HSPA13: variants seen among roughly 807,000 people sequenced by gnomAD.
The protein encoded by HSPA13 is heat shock 70 kDa protein 13.
HSPA13 carries 29 observed loss-of-function variants against 38.8 expected under a neutral mutation model. The ratio of observed to expected loss-of-function variants is 0.75; its 90% CI spans 0.56 to 1.02. The LOEUF is 1.02. HSPA13 is among the 50% of genes least tolerant of loss of function. The probability of loss-of-function intolerance (pLI) is 0.00; values close to 1 mark genes in which losing one functional copy is unlikely to be tolerated. For missense variants in HSPA13, 451 were observed against 560.9 expected, an observed-to-expected ratio of 0.80 and a Z score of 1.98; for synonymous variants, 192 against 205.3, an observed-to-expected ratio of 0.94 and a Z score of 0.56.
chr21:14,378,143 GT>G (rs1208251929), intron 3 of HSPA13, 55 bp downstream of exon 3: 9 of 1,380,222 alleles, frequency 6.5e-6, no homozygotes, highest in Non-Finnish European at 9.3e-6. Context: ...ACTACAGAAG[GT>G]TTTCAACCCA....
chr21:14,374,192 T>C lies in HSPA13; in HGVS notation c.841A>G (p.Arg281Gly). 6.2e-7 allele frequency: 1 copy of C among 1,613,522 alleles called. No individual in the cohort carries two copies. The highest frequency in any genetic ancestry group is 8.5e-7 in the Non-Finnish European group (1 of 1,179,896). ...CTCAATCTGTGGATTTCCTCTTTCCTAGAGGGCACGAAGCCATATGTTTGA... is the reference window on the plus strand; with the variant it reads ...CTCAATCTGTGGATTTCCTCTTTCCCAGAGGGCACGAAGCCATATGTTTGA... ...IYQTYGFVPS[R>G]KEEIHRLRQA... Residue 281 changes from arginine to glycine, a missense_variant, in exon 5 of 5, where the codon AGG becomes GGG. Transcript: ENST00000285667.
Position 14,381,398 on chromosome 21 carries a change from C to T in HSPA13, c.171G>A (p.Val57=). The T allele has an allele frequency of 6.2e-7, 1 of 1,614,108 alleles. No homozygotes were observed. The highest frequency in any genetic ancestry group is 8.5e-7 in the Non-Finnish European group (1 of 1,180,016). Reference sequence around the variant, plus strand: ...TGATATGCCCATTTTCATCTGGAATCACCTTTACTTTTCCTGTGCCAGGAA... The same window carrying T: ...TGATATGCCCATTTTCATCTGGAATTACCTTTACTTTTCCTGTGCCAGGAA... ...VFFPGTGKVK[V]IPDENGHISI... is the part of the protein sequence containing the mutation. Residue 57 remains valine (V), a synonymous_variant, in exon 2 of 5, where the codon GTG becomes GTA. Coordinates refer to ENST00000285667, the MANE Select transcript of HSPA13 (RefSeq NM_006948.5).
At chr21:14,381,121 T>C (rs998330002) in intron 2 of HSPA13, 82 bp downstream of exon 2, 6 of 1,034,030 alleles carry the variant, frequency 5.8e-6, no homozygotes, top group South Asian at 3.2e-5. Context: ...CTAGACGAGA[T>C]AGAATGTTTT....
Position 14,383,098 on chromosome 21 carries a change from AG to A in HSPA13, c.21del (p.Leu8Ter). On this transcript the variant is annotated frameshift_variant, in exon 1 of 5. Coordinates refer to ENST00000285667, the MANE Select transcript of HSPA13 (RefSeq NM_006948.5). LOFTEE classifies it high-confidence loss of function. MAREMT[I>X]LGSAVLTLLL... ...ACAAGGACCCCCGGGAACCCACCTA[AG>A]ATCGTCATCTCTCTGGCCATCACAG... The A allele has an allele frequency of 6.2e-7, 1 of 1,614,032 alleles. No individual in the cohort carries two copies. The highest frequency in any genetic ancestry group is 8.5e-7 in the Non-Finnish European group (1 of 1,179,982).
rs919383322 is a variant in HSPA13, at chr21:14,371,323, T to G, written c.*2294A>C. Reference sequence around the variant, plus strand: ...ACAAAATAAGTTACTCATTCACATATTCTAATCATACAAGACACTTAATAT... The same window carrying G: ...ACAAAATAAGTTACTCATTCACATAGTCTAATCATACAAGACACTTAATAT... On this transcript the variant is annotated 3_prime_UTR_variant, in exon 5 of 5. Coordinates refer to ENST00000285667, the MANE Select transcript of HSPA13 (RefSeq NM_006948.5). 1 of 152,634 alleles carries G rather than the reference T, an allele frequency of 6.6e-6. No homozygotes were observed. Among genetic ancestry groups the G allele is most frequent in the Non-Finnish European group, 1.5e-5 (1 of 68,004 alleles). 9.5% of individuals were successfully genotyped at this position (152,634 alleles called of 1,614,324 possible).
Position 14,373,793 on chromosome 21 carries a change from T to G in HSPA13, c.1240A>C (p.Ile414Leu). The change falls in exon 5 of 5, where the codon ATC (isoleucine) becomes CTC (leucine). Residue 414 changes from isoleucine to leucine, a missense_variant. Ile to Leu is a conservative substitution (Grantham distance 5, BLOSUM62 2). Coordinates refer to ENST00000285667, the MANE Select transcript of HSPA13 (RefSeq NM_006948.5). ...LVGGSTRIPR[I>L]RQVIQEFFGK... ...AAGAACTCTTGAATGACTTGACGGA[T>G]CCGAGGAATACGAGTGGAGCCCCCA... The G allele has an allele frequency of 6.2e-7, 1 of 1,614,190 alleles. No homozygotes were observed. The highest frequency in any genetic ancestry group is 8.5e-7 in the Non-Finnish European group (1 of 1,180,022).
rs778449900 is a variant in HSPA13, at chr21:14,374,072, G to T, written c.961C>A (p.Pro321Thr). The T allele has an allele frequency of 1.2e-6, 2 of 1,614,138 alleles. No homozygotes were observed. Among genetic ancestry groups the T allele is most frequent in the South Asian group, 2.2e-5 (2 of 91,086 alleles). ...LTVEEQDRKE[P>T]HSSDTELPKD... is the part of the protein sequence containing the mutation. ...GGCAGTTCAGTGTCACTACTGTGAGGTTCCTTCCTGTCCTGCTCCTCCACC... is the reference window on the plus strand; with the variant it reads ...GGCAGTTCAGTGTCACTACTGTGAGTTTCCTTCCTGTCCTGCTCCTCCACC... Residue 321 changes from proline to threonine, a missense_variant, in exon 5 of 5, where the codon CCT becomes ACT. Pro to Thr is a conservative substitution (Grantham distance 38, BLOSUM62 -1). Coordinates refer to ENST00000285667, the MANE Select transcript of HSPA13 (RefSeq NM_006948.5).
rs1404611787 is a variant in HSPA13 at position 14,373,819 on chromosome 21, A to G, written c.1214T>C (p.Val405Ala). 5.6e-6 allele frequency: 9 copies of G among 1,614,088 alleles called. No individual in the cohort carries two copies. The highest frequency in any genetic ancestry group is 4.5e-5 in the East Asian group (2 of 44,904). The change falls in exon 5 of 5, where the codon GTT becomes GCT. Residue 405 changes from valine (V) to alanine (A), a missense_variant. Physicochemically the swap from Val to Ala is moderately conservative, Grantham distance 64 (BLOSUM62 0). Transcript: ENST00000285667. ...EKTEIDEVVLVGGSTRIPRIR... is the reference protein window; with the variant it reads ...EKTEIDEVVLAGGSTRIPRIR... ...CCGAGGAATACGAGTGGAGCCCCCA[A>G]CTAAAACCACCTCATCAATCTCAGT...
chr21:14,381,134 G>C (rs1275551949), intron 2 of HSPA13, 69 bp downstream of exon 2: 1 of 1,164,502 alleles, frequency 8.6e-7, no homozygotes, highest in South Asian at 1.5e-5. Context: ...AATGTTTTGT[G>C]ACATGAAGCC....
At chr21:14,381,933 T>C (rs1319607035) in intron 1 of HSPA13, among the ~76,000 whole-genome samples, 1 of 152,240 alleles carries the variant, frequency 6.6e-6, no homozygotes, top group Non-Finnish European at 1.5e-5. Context: ...TTTACAGCTT[T>C]ATAAAAAGCT....
Position 14,375,793 on chromosome 21 carries a change from C to A in HSPA13, c.607G>T (p.Glu203Ter). Residue 203 changes from glutamate to a stop codon, truncating the protein, a stop_gained, in exon 4 of 5, where the codon GAA becomes TAA. Transcript: ENST00000285667. LOFTEE classifies it high-confidence loss of function. ...TAGGCCATAGCTGCTGCTGTGGGTT[C>A]ATTTATTACCCTCAAAATCTTCAGT... is the stretch of plus-strand genomic sequence containing the variant. ...AGLKILRVIN[E>*]PTAAAMAYGL... 6.2e-7 allele frequency: 1 copy of A among 1,613,776 alleles called. No homozygotes were observed.
chr21:14,380,467 A>T (rs1470027333), intron 2 of HSPA13, among the ~76,000 whole-genome samples: 2 of 152,082 alleles, frequency 1.3e-5, no homozygotes, highest in Non-Finnish European at 2.9e-5. Context: ...AAAAATTAAT[A>T]CAGGATACTA....
chr21:14,376,240 C>G (rs1024997270), intron 3 of HSPA13, among the ~76,000 whole-genome samples: 1 of 151,994 alleles, frequency 6.6e-6, no homozygotes, highest in Non-Finnish European at 1.5e-5. Context: ...GGTGAAACCC[C>G]GTCTCTACTA....
intron 2 of HSPA13, among the ~76,000 whole-genome samples, chr21:14,380,950 G>A (rs1351208161): frequency 6.6e-6 from 1 of 152,126 alleles, no homozygotes; most frequent in South Asian, 2.1e-4. Context: ...CTGCTACCTT[G>A]AAAGAGCTAA....
chr21:14,379,116 T>G (rs1002665126), intron 2 of HSPA13, among the ~76,000 whole-genome samples: 1 of 152,190 alleles, frequency 6.6e-6, no homozygotes, highest in Non-Finnish European at 1.5e-5. Context: ...GAGTAATGGA[T>G]AGCTGAAAGA....
In HSPA13 at chr21:14,372,069, T is replaced by A. The variant is rs981684726; in HGVS notation, c.*1548A>T. On this transcript the variant is annotated 3_prime_UTR_variant, in exon 5 of 5. Coordinates refer to ENST00000285667, the MANE Select transcript of HSPA13 (RefSeq NM_006948.5). Reference sequence around the variant, plus strand: ...ACAGCAATTTCATTGCTAAGAATTTTTTTTTAGATATGAAAAATATTAGTA... The same window carrying A: ...ACAGCAATTTCATTGCTAAGAATTTATTTTTAGATATGAAAAATATTAGTA... 3 of 152,236 alleles carry A rather than the reference T, an allele frequency of 2.0e-5. No individual in the cohort carries two copies. The highest frequency in any genetic ancestry group is 7.2e-5 in the African/African-American group (3 of 41,464). 9.4% of individuals were successfully genotyped at this position (152,236 alleles called of 1,614,324 possible).
Position 14,381,506 on chromosome 21 carries a change from C to T in HSPA13, c.63G>A (p.Leu21=). ...AVLTLLLAGY[L]AQQYLPLPTP... is the part of the protein sequence containing the mutation. Reference sequence around the variant, plus strand: ...TAGGCAATGGTAAATACTGTTGTGCCAAATAGCCGGCCAACAGGAGAGTCA... The same window carrying T: ...TAGGCAATGGTAAATACTGTTGTGCTAAATAGCCGGCCAACAGGAGAGTCA... The change falls in exon 2 of 5, where the codon TTG becomes TTA. Residue 21 remains leucine, a synonymous_variant. Coordinates refer to ENST00000285667, the MANE Select transcript of HSPA13 (RefSeq NM_006948.5). 1 of 1,602,426 alleles carries T rather than the reference C, an allele frequency of 6.2e-7. No homozygotes were observed. Among genetic ancestry groups the T allele is most frequent in the South Asian group, 1.1e-5 (1 of 90,448 alleles).
rs1048351213 is a variant in HSPA13, at chr21:14,374,024, C to A, written c.1009G>T (p.Asp337Tyr). ...AACCCACTGTTCACGCGATGGTCAT[C>A]TGCTGAGGAAAGTTTGTCTTTTGGC... is the stretch of plus-strand genomic sequence containing the variant. ...ELPKDKLSSA[D>Y]DHRVNSGFGR... Residue 337 changes from aspartate (D) to tyrosine (Y), a missense_variant, in exon 5 of 5, where the codon GAT becomes TAT. Transcript: ENST00000285667. The A allele has an allele frequency of 1.2e-6, 2 of 1,614,102 alleles. No individual in the cohort carries two copies. Among genetic ancestry groups the A allele is most frequent in the Non-Finnish European group, 1.7e-6 (2 of 1,180,044 alleles).
chr21:14,378,446 A>T, intron 2 of HSPA13, 34 bp from the exon 3 acceptor site: 1 of 1,355,720 alleles, frequency 7.4e-7, no homozygotes, highest in Non-Finnish European at 1.1e-6. Context: ...GTAAATAAAT[A>T]AAAGAGTAAA....
Sources: gnomAD v4.1 joint callset for allele counts (sites outside exome capture counted in the v4.1 genomes callset) on GRCh38, gnomAD v4.1.1 for gene constraint, MANE v1.5 for transcripts, NCBI Gene and HGNC (gene_info 2026-07-23, HGNC 2026-07-21) for gene names.